FECH: variants seen among roughly 807,000 people sequenced by gnomAD.
The protein encoded by FECH is ferrochelatase, mitochondrial.
Under a neutral mutation model 56.9 loss-of-function variants are expected in FECH, and 40 were observed. The ratio of observed to expected loss-of-function variants is 0.70; its 90% CI spans 0.55 to 0.92. The LOEUF (loss-of-function observed/expected upper bound fraction) is 0.92. FECH is among the 40% of genes least tolerant of loss of function. FECH has a pLI of 0.00. For missense variants in FECH, 431 were observed against 529.1 expected (o/e 0.81, Z 1.82); for synonymous variants, 175 against 198.6 (o/e 0.88, Z 1.00).
chr18:57,578,290 A>T (rs927661511), intron 2 of FECH, among the ~76,000 whole-genome samples: 1 of 152,202 alleles, frequency 6.6e-6, no homozygotes, highest in Non-Finnish European at 1.5e-5. Flanking sequence ...CCCATCCCCA[A>T]CTAACCTCAG....
At chr18:57,561,823 G>C (rs1411093006) in intron 6 of FECH, among the ~76,000 whole-genome samples, 2 of 152,160 alleles carry the variant, frequency 1.3e-5, no homozygotes, top group Admixed American at 1.3e-4. Context: ...CAGGCTGCTG[G>C]TGCTTCAGGC....
At position 57,544,810 on chromosome 18, in the gene FECH, C is replaced by CA. The variant is rs776279278; in HGVS notation, c.*5901dup. ...TTTCTTAAGTCTAAATAATCAACGA[C>CA]AAAAAAAAGGGCGAAATAATTAGAA... On this transcript the variant is annotated 3_prime_UTR_variant, in exon 11 of 11. Transcript: ENST00000262093. Among the ~76,000 whole-genome samples, 7 of 151,258 alleles carry CA rather than the reference C, an allele frequency of 4.6e-5. No individual in the cohort carries two copies. Among genetic ancestry groups the CA allele is most frequent in the Admixed American group, 2.6e-4 (4 of 15,194 alleles).
intron 5 of FECH, 131 bp downstream of exon 5, chr18:57,566,316 T>C (rs2051015514): frequency 2.4e-6 from 3 of 1,254,210 alleles, no homozygotes; most frequent in African/African-American, 2.9e-5. Flanking sequence ...TGAACTCTCG[T>C]GTTTAAAGAA....
chr18:57,579,839 C>T (rs1048551093), intron 2 of FECH, among the ~76,000 whole-genome samples: 31 of 152,120 alleles, frequency 2.0e-4, no homozygotes, highest in African/African-American at 7.2e-4. Context: ...ACACAATTTG[C>T]AGACTGTTTG....
At chr18:57,579,620 T>C (rs1329384462) in intron 2 of FECH, among the ~76,000 whole-genome samples, 1 of 152,166 alleles carries the variant, frequency 6.6e-6, no homozygotes. Flanking sequence ...TAATAGATGA[T>C]AAATCCTGTT....
intron 1 of FECH, among the ~76,000 whole-genome samples, chr18:57,580,778 G>A (rs1313877818): frequency 2.5e-4 from 38 of 152,178 alleles, no homozygotes; most frequent in Admixed American, 2.4e-3. Flanking sequence ...TACCACCAAG[G>A]AGACATGCCA....
chr18:57,567,802 C>T (rs1363601823), intron 4 of FECH: 1 of 152,238 alleles, frequency 6.6e-6, no homozygotes, highest in Non-Finnish European at 1.5e-5. Context: ...AAGGGAGAAG[C>T]AGAATGCCAT....
chr18:57,558,306 C>T (rs943803687), intron 7 of FECH, among the ~76,000 whole-genome samples: 1 of 152,234 alleles, frequency 6.6e-6, no homozygotes, highest in African/African-American at 2.4e-5. Flanking sequence ...TCCAACAATA[C>T]AACAGCTATG....
intron 5 of FECH, among the ~76,000 whole-genome samples, chr18:57,566,041 C>T (rs1278083348): frequency 6.6e-6 from 1 of 152,218 alleles, no homozygotes; most frequent in Admixed American, 6.5e-5. Context: ...ATCAGTATTT[C>T]CCATGTTGTA....
At chr18:57,585,898 G>A (rs2051364552) in intron 1 of FECH, 1 of 152,270 alleles carries the variant, frequency 6.6e-6, no homozygotes. Flanking sequence ...CTTGTTCAAG[G>A]TGTCACAGTT....
intron 1 of FECH, chr18:57,585,867 A>G (rs2051363512): frequency 1.3e-5 from 2 of 152,260 alleles, no homozygotes; most frequent in Non-Finnish European, 2.9e-5. Flanking sequence ...CATTTACCAA[A>G]GCTCTGGCGA....
chr18:57,583,245 T>C (rs913406040), intron 1 of FECH, among the ~76,000 whole-genome samples: 2 of 152,170 alleles, frequency 1.3e-5, no homozygotes, highest in African/African-American at 4.8e-5. Context: ...TAAAGGAGTT[T>C]AAAGTAAACA....
intron 3 of FECH, among the ~76,000 whole-genome samples, chr18:57,572,113 C>T (rs1232949182): frequency 3.3e-5 from 5 of 152,048 alleles, no homozygotes; most frequent in East Asian, 1.9e-4. Flanking sequence ...ATCGATATAA[C>T]GTTATGAAAC....
chr18:57,558,415 G>A (rs2050895441), intron 7 of FECH, among the ~76,000 whole-genome samples: 1 of 152,180 alleles, frequency 6.6e-6, no homozygotes, highest in Non-Finnish European at 1.5e-5. Context: ...TTGCAAAAAT[G>A]TGGTCCTGAG....
chr18:57,565,557 C>T (rs546029609), intron 5 of FECH, among the ~76,000 whole-genome samples: 1 of 146,498 alleles, frequency 6.8e-6, no homozygotes, highest in Non-Finnish European at 1.5e-5. Context: ...AATGACAGAG[C>T]AAGATACCAT....
At chr18:57,551,412 T>C (rs2050796833) in intron 9 of FECH, 38 bp from the exon 10 acceptor site, 2 of 1,544,424 alleles carry the variant, frequency 1.3e-6, no homozygotes, top group East Asian at 2.3e-5. Flanking sequence ...AACACAGATA[T>C]ATTTTATTTT....
chr18:57,584,341 A>AAC (rs1378748293), intron 1 of FECH, among the ~76,000 whole-genome samples: 2 of 151,424 alleles, frequency 1.3e-5, no homozygotes, highest in Non-Finnish European at 2.9e-5. Context: ...AAAAAAAAAA[A>AAC]AAAACTCTCA....
At chr18:57,572,208 A>C (rs2051120416) in intron 3 of FECH, among the ~76,000 whole-genome samples, 1 of 152,232 alleles carries the variant, frequency 6.6e-6, no homozygotes, top group Non-Finnish European at 1.5e-5. Context: ...CTGGATTAAG[A>C]AAATGTGGAA....
chr18:57,570,146 G>C (rs2051082270), intron 4 of FECH, among the ~76,000 whole-genome samples: 1 of 151,326 alleles, frequency 6.6e-6, no homozygotes, highest in Non-Finnish European at 1.5e-5. Flanking sequence ...CACCTGCCTT[G>C]GCCTCCCAAA....
Sources: allele counts gnomAD v4.1 joint callset (sites outside exome capture counted in the v4.1 genomes callset), GRCh38; gene constraint gnomAD v4.1.1; transcripts MANE v1.5; gene names NCBI Gene and HGNC (gene_info 2026-07-23, HGNC 2026-07-21).